EXOC4: variants seen among roughly 807,000 people sequenced by gnomAD.
EXOC4 encodes exocyst complex component 4, also known as SEC8-like 1.
A neutral mutation model predicts 107.2 loss-of-function variants in EXOC4; 71 were observed. The ratio of observed to expected loss-of-function variants is 0.66; its 90% CI spans 0.55 to 0.81. EXOC4 has a LOEUF of 0.81. Among genes scored for constraint, EXOC4 ranks in the 30% least tolerant of loss-of-function variants. The pLI is 0.00. For synonymous variants in EXOC4, 456 were observed against 441.2 expected (o/e 1.03, Z -0.42); for missense variants, 1,108 against 1,189.6 (o/e 0.93, Z 1.01).
chr7:133,607,053 C>T (rs976912086), intron 9 of EXOC4, among the ~76,000 whole-genome samples: 9 of 152,046 alleles, frequency 5.9e-5, no homozygotes, highest in East Asian at 1.9e-4. Context: ...ATTTATTTTC[C>T]GAGTTTTGGC....
In EXOC4 at chr7:133,895,718, C is replaced by T; in HGVS notation, c.1854C>T (p.Thr618=). The T allele has an allele frequency of 6.2e-7, 1 of 1,614,062 alleles. No homozygotes were observed. ...TGAAGCTCCAGGAGTACAAGGACAC[C>T]TGCACTGCAGCTTACAGGTAGAGCT... ...VCVKLQEYKD[T]CTAAYRGIVQ... The change falls in exon 12 of 18, where the codon ACC becomes ACT. Residue 618 remains threonine (T), a synonymous_variant. Coordinates refer to ENST00000253861, the MANE Select transcript of EXOC4 (RefSeq NM_021807.4).
At chr7:133,505,367 T>C (rs1799648151) in intron 9 of EXOC4, among the ~76,000 whole-genome samples, 1 of 152,174 alleles carries the variant, frequency 6.6e-6, no homozygotes, top group African/African-American at 2.4e-5. Context: ...TTCAAAATTA[T>C]GGTTTCATTT....
chr7:133,324,094 T>G (rs1389980143), intron 5 of EXOC4, among the ~76,000 whole-genome samples: 1 of 152,212 alleles, frequency 6.6e-6, no homozygotes, highest in African/African-American at 2.4e-5. Context: ...TGTTTGATTC[T>G]TCTCTCTTTT....
chr7:133,605,341 ACTAT>A (rs1239577308), intron 9 of EXOC4, among the ~76,000 whole-genome samples: 13 of 152,290 alleles, frequency 8.5e-5, no homozygotes, highest in African/African-American at 7.2e-5. Flanking sequence ...AATTATCACT[ACTAT>A]CTATTTCTAT....
chr7:133,859,114 C>T (rs910379423), intron 11 of EXOC4, among the ~76,000 whole-genome samples: 3 of 152,138 alleles, frequency 2.0e-5, no homozygotes, highest in East Asian at 1.9e-4. Context: ...AATCTACAAC[C>T]ACTGCTTGTG....
chr7:133,573,108 A>C (rs906749184), intron 9 of EXOC4, among the ~76,000 whole-genome samples: 1 of 152,236 alleles, frequency 6.6e-6, no homozygotes, highest in Non-Finnish European at 1.5e-5. Context: ...CATGTATAGC[A>C]GTGGTAATAC....
chr7:133,825,224 A>G (rs1018976889), intron 11 of EXOC4, among the ~76,000 whole-genome samples: 2 of 151,726 alleles, frequency 1.3e-5, no homozygotes, highest in Non-Finnish European at 2.9e-5. Context: ...GCCAGGTTTC[A>G]TGATGTATGC....
At chr7:133,501,749 C>T (rs747272196) in intron 9 of EXOC4, among the ~76,000 whole-genome samples, 1 of 152,128 alleles carries the variant, frequency 6.6e-6, no homozygotes, top group African/African-American at 2.4e-5. Flanking sequence ...GTTCATGATT[C>T]CTAGTTTCCT....
intron 17 of EXOC4, among the ~76,000 whole-genome samples, chr7:134,028,450 G>T (rs1190524118): frequency 6.6e-6 from 1 of 152,140 alleles, no homozygotes; most frequent in Non-Finnish European, 1.5e-5. Context: ...TAAACTATAA[G>T]TCGAAACAAA....
chr7:133,473,712 T>G (rs529687248), intron 7 of EXOC4, among the ~76,000 whole-genome samples: 1 of 152,234 alleles, frequency 6.6e-6, no homozygotes, highest in South Asian at 2.1e-4. Flanking sequence ...TCTTGTTTTT[T>G]TTTTTTAAAA....
intron 9 of EXOC4, among the ~76,000 whole-genome samples, chr7:133,622,582 C>A (rs1368565160): frequency 6.6e-6 from 1 of 152,004 alleles, no homozygotes; most frequent in Non-Finnish European, 1.5e-5. Context: ...AATGTGTTTT[C>A]CCCCCAAACG....
At chr7:133,677,961 A>G (rs929681744) in intron 10 of EXOC4, among the ~76,000 whole-genome samples, 1 of 152,242 alleles carries the variant, frequency 6.6e-6, no homozygotes, top group Non-Finnish European at 1.5e-5. Context: ...AAGCATCATT[A>G]TAATTGTACT....
chr7:133,837,527 C>G (rs1230883531), intron 11 of EXOC4, among the ~76,000 whole-genome samples: 1 of 152,118 alleles, frequency 6.6e-6, no homozygotes, highest in Non-Finnish European at 1.5e-5. Flanking sequence ...CAAATGATTC[C>G]TTTATCTTGA....
chr7:133,720,792 C>T (rs891138624), intron 10 of EXOC4, among the ~76,000 whole-genome samples: 15 of 152,064 alleles, frequency 9.9e-5, no homozygotes, highest in African/African-American at 3.6e-4. Flanking sequence ...AATGAATATT[C>T]CAGCAAGAGG....
chr7:133,866,146 A>G (rs978695476), intron 11 of EXOC4, among the ~76,000 whole-genome samples: 1 of 152,186 alleles, frequency 6.6e-6, no homozygotes, highest in Non-Finnish European at 1.5e-5. Flanking sequence ...TGCTTTTCAT[A>G]TATATATAAT....
At chr7:133,873,167 G>T (rs1471314743) in intron 11 of EXOC4, among the ~76,000 whole-genome samples, 1 of 152,222 alleles carries the variant, frequency 6.6e-6, no homozygotes, top group Non-Finnish European at 1.5e-5. Context: ...GCCAGTTGTG[G>T]TGGTGTGCAC....
chr7:133,603,414 A>G (rs1801854998), intron 9 of EXOC4, among the ~76,000 whole-genome samples: 1 of 152,220 alleles, frequency 6.6e-6, no homozygotes, highest in Non-Finnish European at 1.5e-5. Flanking sequence ...GAAATGCATC[A>G]TTAGGTGATT....
chr7:133,759,348 C>T (rs751612464), intron 10 of EXOC4, among the ~76,000 whole-genome samples: 3 of 152,222 alleles, frequency 2.0e-5, no homozygotes, highest in Non-Finnish European at 4.4e-5. Context: ...TCTTTTAAAA[C>T]TCAAGTGGAT....
chr7:134,058,996 C>G (rs933499685), intron 17 of EXOC4, among the ~76,000 whole-genome samples: 2 of 152,146 alleles, frequency 1.3e-5, no homozygotes, highest in African/African-American at 4.8e-5. Context: ...CAAAACCCAG[C>G]ATGAGACGTA....
Sources: gnomAD v4.1 joint callset for allele counts (sites outside exome capture counted in the v4.1 genomes callset) on GRCh38, gnomAD v4.1.1 for gene constraint, MANE v1.5 for transcripts, NCBI Gene and HGNC (gene_info 2026-07-23, HGNC 2026-07-21) for gene names.